Variants in RORA observed in about 807,000 individuals in gnomAD.
The protein encoded by RORA is nuclear receptor ROR-alpha.
In RORA, 7 loss-of-function variants were observed where a neutral mutation model predicts 69.5. That is an observed-to-expected ratio of 0.10 (90% CI 0.06 to 0.19). The LOEUF (loss-of-function observed/expected upper bound fraction) is 0.19. Ranked by LOEUF, RORA falls within the 10% of genes least tolerant of loss-of-function variation. The pLI is 1.00. For missense variants in RORA, 457 were observed against 663.0 expected (o/e 0.69, Z 3.41); for synonymous variants, 261 against 240.8 (o/e 1.08, Z -0.78).
At chr15:60,755,554 C>T (rs1208763227) in intron 1 of RORA, among the ~76,000 whole-genome samples, 2 of 152,096 alleles carry the variant, frequency 1.3e-5, no homozygotes, top group Non-Finnish European at 2.9e-5. Flanking sequence ...CCTGAGGAAT[C>T]GCCACACCGA....
chr15:60,689,559 T>C (rs1211544700), intron 1 of RORA, among the ~76,000 whole-genome samples: 1 of 152,222 alleles, frequency 6.6e-6, no homozygotes, highest in Non-Finnish European at 1.5e-5. Context: ...TCCTAACTCC[T>C]GATACCTGCG....
At chr15:61,137,360 G>A (rs990831899) in intron 1 of RORA, among the ~76,000 whole-genome samples, 5 of 152,212 alleles carry the variant, frequency 3.3e-5, no homozygotes, top group East Asian at 1.9e-4. Flanking sequence ...GGCGCCCAAA[G>A]TGGCCCAAAC....
chr15:61,183,075 C>T (rs2079702940), intron 1 of RORA: 1 of 152,230 alleles, frequency 6.6e-6, no homozygotes, highest in African/African-American at 2.4e-5. Context: ...ATGAGTCAAT[C>T]CAATAAGGTC....
chr15:60,587,667 G>A (rs2068375421), intron 2 of RORA, among the ~76,000 whole-genome samples: 4 of 152,262 alleles, frequency 2.6e-5, no homozygotes, highest in Admixed American at 6.5e-5. Flanking sequence ...TTTATGAAAT[G>A]CCTAGTAAAC....
Position 60,489,745 on chromosome 15 carries a change from T to C in RORA, c.*7710A>G, listed in dbSNP as rs1203916603. 6.6e-6 allele frequency: 1 copy of C among 152,186 alleles called. No individual in the cohort carries two copies. Among genetic ancestry groups the C allele is most frequent in the African/African-American group, 2.4e-5 (1 of 41,436 alleles). 9.4% of individuals were successfully genotyped at this position (152,186 alleles called of 1,614,324 possible). On this transcript the variant is annotated 3_prime_UTR_variant, in exon 11 of 11. Coordinates refer to ENST00000335670, the MANE Select transcript of RORA (RefSeq NM_134261.3). Reference sequence around the variant, plus strand: ...CTCAGGTAGGAGGGGAAAGGTTTATTCTGCCATCAAGCCATCTAGGATATT... The same window carrying C: ...CTCAGGTAGGAGGGGAAAGGTTTATCCTGCCATCAAGCCATCTAGGATATT...
intron 1 of RORA, among the ~76,000 whole-genome samples, chr15:61,087,353 A>G (rs2078640346): frequency 6.6e-6 from 1 of 152,198 alleles, no homozygotes; most frequent in Non-Finnish European, 1.5e-5. Flanking sequence ...TGTTGGATCA[A>G]TCCTGTCAAG....
rs867494317 is a variant in RORA at position 60,747,658 on chromosome 15, C to A, written c.167-68972G>T. Among the ~76,000 whole-genome samples, 75 of 152,166 alleles carry A rather than the reference C, an allele frequency of 4.9e-4. No homozygotes were observed. The Middle Eastern group carries it at 0.02, about 41-fold the overall frequency. On this transcript the variant is annotated intron_variant, in intron 1 of 10. Transcript: ENST00000335670. ...GGACCACAAGAATGACTACTGTGCA[C>A]AAGGAGAGGCGGTTTTGAGATGCAC...
At chr15:60,758,305 C>T (rs2071832807) in intron 1 of RORA, among the ~76,000 whole-genome samples, 1 of 152,160 alleles carries the variant, frequency 6.6e-6, no homozygotes, top group Admixed American at 6.5e-5. Flanking sequence ...GGGAGGCTCA[C>T]CTATTTGTGC....
intron 1 of RORA, among the ~76,000 whole-genome samples, chr15:61,159,125 A>G (rs2079471798): frequency 6.6e-6 from 1 of 152,118 alleles, no homozygotes; most frequent in Admixed American, 6.6e-5. Context: ...ACAACTTCCT[A>G]CCCTTTGTTA....
intron 1 of RORA, among the ~76,000 whole-genome samples, chr15:60,762,431 A>G (rs1404363368): frequency 6.6e-6 from 1 of 152,224 alleles, no homozygotes; most frequent in East Asian, 1.9e-4. Context: ...CTATCAAACC[A>G]GAGGCCTGGG....
intron 2 of RORA, among the ~76,000 whole-genome samples, chr15:60,561,071 GTTTTGTT>G (rs2067531623): frequency 9.0e-6 from 1 of 110,498 alleles, no homozygotes; most frequent in African/African-American, 4.7e-5. Context: ...TTTTTTTTTT[GTTTTGTT>G]TTTGTTTTTT....
At chr15:61,056,669 A>AT (rs967409932) in intron 1 of RORA, among the ~76,000 whole-genome samples, 4 of 152,220 alleles carry the variant, frequency 2.6e-5, no homozygotes, top group African/African-American at 4.8e-5. Flanking sequence ...CATGAAAAGC[A>AT]TTTTTTTAAA....
At chr15:61,058,072 G>A (rs1290365122) in intron 1 of RORA, among the ~76,000 whole-genome samples, 1 of 152,172 alleles carries the variant, frequency 6.6e-6, no homozygotes, top group Non-Finnish European at 1.5e-5. Flanking sequence ...AGTAGTTGGG[G>A]AGGCCTCCTG....
intron 2 of RORA, among the ~76,000 whole-genome samples, chr15:60,568,272 C>T (rs1021353971): frequency 2.0e-5 from 3 of 152,150 alleles, no homozygotes; most frequent in African/African-American, 7.2e-5. Flanking sequence ...CAAGGGTTGC[C>T]CCACCCACAG....
intron 1 of RORA, among the ~76,000 whole-genome samples, chr15:60,838,710 A>G (rs995613234): frequency 1.3e-5 from 2 of 152,164 alleles, no homozygotes; most frequent in Non-Finnish European, 2.9e-5. Flanking sequence ...TCCAGGGCAC[A>G]TGGTTTAACC....
intron 1 of RORA, among the ~76,000 whole-genome samples, chr15:60,767,487 G>A (rs1050648343): frequency 7.9e-5 from 12 of 152,168 alleles, no homozygotes; most frequent in African/African-American, 7.2e-5. Context: ...CACAGCTGAC[G>A]ATAGAGGAGT....
intron 1 of RORA, among the ~76,000 whole-genome samples, chr15:60,921,435 T>C (rs558957200): frequency 6.6e-6 from 1 of 152,294 alleles, no homozygotes; most frequent in South Asian, 2.1e-4. Context: ...AAAGAGTACA[T>C]AGCACATGAT....
At chr15:60,516,218 TATA>T (rs2065943724) in intron 3 of RORA, among the ~76,000 whole-genome samples, 1 of 13,024 alleles carries the variant, frequency 7.7e-5, no homozygotes, top group Non-Finnish European at 1.6e-4. Flanking sequence ...TTTATATATA[TATA>T]TTTATATATA....
chr15:60,888,817 C>T (rs2073779998), intron 1 of RORA, among the ~76,000 whole-genome samples: 1 of 151,670 alleles, frequency 6.6e-6, no homozygotes. Context: ...ATGAGCCCTT[C>T]CTGAGCCAGC....
Sources: allele counts gnomAD v4.1 joint callset (sites outside exome capture counted in the v4.1 genomes callset), GRCh38; gene constraint gnomAD v4.1.1; transcripts MANE v1.5; gene names NCBI Gene and HGNC (gene_info 2026-07-23, HGNC 2026-07-21).